TEX36: variants seen among roughly 807,000 people sequenced by gnomAD.
TEX36 encodes testis expressed 36.
In TEX36, 12 loss-of-function variants were observed where a neutral mutation model predicts 13.6. The ratio of observed to expected loss-of-function variants is 0.88; its 90% CI spans 0.56 to 1.43. The LOEUF is 1.43. Ranked by LOEUF, TEX36 falls within the 40% of genes most tolerant of loss-of-function variation. TEX36 has a pLI of 0.00. For synonymous variants in TEX36, 93 were observed against 83.0 expected (o/e 1.12, Z -0.65); for missense variants, 224 against 228.3 (o/e 0.98, Z 0.12).
At position 125,666,800 on chromosome 10, in the gene TEX36, TGAG is replaced by T. The variant is rs536808968; in HGVS notation, c.52-4826_52-4824del. The T allele has an allele frequency of 3.1e-4, 79 of 251,046 alleles. No homozygotes were observed. The Middle Eastern group carries it at 4.7e-3, about 15-fold the overall frequency. The allele number at this position is 251,046 out of a possible 1,614,324, so 15.6% of individuals were successfully genotyped here. A position where few individuals can be genotyped will look rare whatever the true frequency, so the allele number is the denominator to read the frequency against. The stretch of plus-strand genomic sequence containing the variant: ...GCACGGGCAAGCCAACCTGGAGACC[TGAG>T]GAGAAGGCCCGCTCTTCAAGAGAGT... On this transcript the variant is annotated intron_variant, in intron 1 of 3. Transcript: ENST00000368821.
chr10:125,659,528 T>TA (rs1483544321), intron 3 of TEX36, among the ~76,000 whole-genome samples: 4 of 152,304 alleles, frequency 2.6e-5, no homozygotes, highest in Middle Eastern at 3.4e-3. Context: ...TTTGGTTATT[T>TA]AAAAAACAAT....
intron 1 of TEX36, among the ~76,000 whole-genome samples, chr10:125,678,019 G>A (rs1216771939): frequency 6.6e-6 from 1 of 152,090 alleles, no homozygotes; most frequent in Non-Finnish European, 1.5e-5. Context: ...TCTGGTATTT[G>A]GGAAATTTCT....
At chr10:125,635,308 G>A (rs1015857738) in intron 3 of TEX36, among the ~76,000 whole-genome samples, 9 of 152,142 alleles carry the variant, frequency 5.9e-5, no homozygotes, top group Non-Finnish European at 1.3e-4. Context: ...TTTGAAAAAC[G>A]TTGTGCATTC....
At chr10:125,639,212 A>G (rs1275920462) in intron 3 of TEX36, among the ~76,000 whole-genome samples, 1 of 152,190 alleles carries the variant, frequency 6.6e-6, no homozygotes, top group African/African-American at 2.4e-5. Context: ...ATATGTATCC[A>G]ATACTAAACA....
At chr10:125,631,964 G>C (rs930840142) in intron 3 of TEX36, among the ~76,000 whole-genome samples, 1 of 152,116 alleles carries the variant, frequency 6.6e-6, no homozygotes, top group Admixed American at 6.5e-5. Context: ...GAAGCCCTCC[G>C]TGTGGTGGCG....
chr10:125,627,586 T>C (rs1057064429), intron 3 of TEX36, among the ~76,000 whole-genome samples: 4 of 152,248 alleles, frequency 2.6e-5, no homozygotes, highest in Non-Finnish European at 2.9e-5. Flanking sequence ...ATCTTTTTTA[T>C]CTTAATTTTA....
intron 3 of TEX36, among the ~76,000 whole-genome samples, chr10:125,608,347 C>T (rs901445562): frequency 3.3e-5 from 5 of 151,958 alleles, no homozygotes; most frequent in Non-Finnish European, 5.9e-5. Flanking sequence ...AAAAGGGATG[C>T]GTTTTACTAA....
intron 1 of TEX36, among the ~76,000 whole-genome samples, chr10:125,670,932 T>C (rs545034074): frequency 6.6e-6 from 1 of 152,200 alleles, no homozygotes; most frequent in African/African-American, 2.4e-5. Flanking sequence ...TTTTGTTCCA[T>C]TGGTCTATGT....
At chr10:125,650,856 A>G (rs1300925557), downstream of TEX36, among the ~76,000 whole-genome samples, 3 of 152,224 alleles carry the variant, frequency 2.0e-5, no homozygotes, top group Non-Finnish European at 2.9e-5. Context: ...CCATCAGAGA[A>G]TACTATAAAC....
rs180804210 is a variant in TEX36 at position 125,600,178 on chromosome 10, C to A, written c.265-23304G>T. 5.0e-3 allele frequency among the ~76,000 whole-genome samples: 762 copies of A among 152,254 alleles called. 7 individuals carry two copies. The highest frequency in any genetic ancestry group is 0.017 in the African/African-American group (719 of 41,526). Reference sequence around the variant, plus strand: ...TGTGTCATCTTCTTAATAAGATGAGCTGGGCCAATCCAATTACTTTCTCAG... The same window carrying A: ...TGTGTCATCTTCTTAATAAGATGAGATGGGCCAATCCAATTACTTTCTCAG... On this transcript the variant is annotated intron_variant, in intron 3 of 3. Transcript: ENST00000532135.
downstream of TEX36, among the ~76,000 whole-genome samples, chr10:125,650,954 T>G (rs191437120): frequency 4.5e-4 from 68 of 152,300 alleles, no homozygotes; most frequent in African/African-American, 1.6e-3. Context: ...CAAGAAGAAG[T>G]TGAATCCCTG....
chr10:125,674,474 T>C (rs779479181), intron 1 of TEX36, among the ~76,000 whole-genome samples: 1 of 152,232 alleles, frequency 6.6e-6, no homozygotes, highest in Non-Finnish European at 1.5e-5. Context: ...TGGAGAGGTG[T>C]TGCCATCATT....
chr10:125,589,134 T>C (rs1278926176), intron 3 of TEX36, among the ~76,000 whole-genome samples: 1 of 152,260 alleles, frequency 6.6e-6, no homozygotes, highest in Admixed American at 6.5e-5. Flanking sequence ...ACCATCTCTA[T>C]TTCTTTTTTC....
chr10:125,640,087 G>A (rs1039668025), intron 3 of TEX36: 7 of 878,018 alleles, frequency 8.0e-6, no homozygotes, highest in African/African-American at 7.3e-5. Flanking sequence ...TATATGGAAC[G>A]TGGATAATGA....
At chr10:125,668,518 A>G (rs1279392657) in intron 1 of TEX36, among the ~76,000 whole-genome samples, 1 of 151,978 alleles carries the variant, frequency 6.6e-6, no homozygotes, top group Non-Finnish European at 1.5e-5. Flanking sequence ...TTATTTAATA[A>G]AAGATCTCCA....
intron 3 of TEX36, among the ~76,000 whole-genome samples, chr10:125,648,975 T>C (rs907458988): frequency 2.0e-5 from 3 of 151,948 alleles, no homozygotes; most frequent in Non-Finnish European, 2.9e-5. Flanking sequence ...TAAAAAGAAA[T>C]AACAAAGCCT....
At chr10:125,659,069 T>G (rs1287436966) in intron 3 of TEX36, among the ~76,000 whole-genome samples, 2 of 152,080 alleles carry the variant, frequency 1.3e-5, no homozygotes, top group African/African-American at 4.8e-5. Context: ...CAAGAAGAGA[T>G]AGAAAGTTTG....
At chr10:125,662,020 G>C (rs1220075081) in intron 1 of TEX36, 43 bp from the exon 2 acceptor site, 6 of 1,551,644 alleles carry the variant, frequency 3.9e-6, no homozygotes, top group Non-Finnish European at 5.2e-6. Context: ...AGACACATTT[G>C]AATCTACAAG....
At chr10:125,659,230 C>A (rs1846991623) in intron 3 of TEX36, among the ~76,000 whole-genome samples, 1 of 152,148 alleles carries the variant, frequency 6.6e-6, no homozygotes, top group Non-Finnish European at 1.5e-5. Context: ...GTTATATAAG[C>A]TATTCCAGAA....
Sources: gnomAD v4.1 joint callset for allele counts (sites outside exome capture counted in the v4.1 genomes callset) on GRCh38, gnomAD v4.1.1 for gene constraint, MANE v1.5 for transcripts, NCBI Gene and HGNC (gene_info 2026-07-23, HGNC 2026-07-21) for gene names.